Variants in HIPK3 observed in about 807,000 individuals in gnomAD.
The protein encoded by HIPK3 is homeodomain interacting protein kinase 3.
Under a neutral mutation model 124.2 loss-of-function variants are expected in HIPK3, and 47 were observed. The ratio of observed to expected loss-of-function variants is 0.38; its 90% confidence interval spans 0.30 to 0.48. The LOEUF (loss-of-function observed/expected upper bound fraction) is 0.48. Among genes scored for constraint, HIPK3 ranks in the 20% least tolerant of loss-of-function variants. HIPK3 has a pLI of 0.98. For synonymous variants in HIPK3, 482 were observed against 515.2 expected (o/e 0.94, Z 0.87); for missense variants, 1,286 against 1,454.3 (o/e 0.88, Z 1.88).
chr11:33,266,407 C>A (rs1457768650), intron 1 of HIPK3, among the ~76,000 whole-genome samples: 4 of 152,032 alleles, frequency 2.6e-5, no homozygotes, highest in Middle Eastern at 3.4e-3. Flanking sequence ...TGGGTAAAAT[C>A]AAAATAAGTC....
Position 33,353,239 on chromosome 11 carries a change from G to A in HIPK3, c.3319G>A (p.Ala1107Thr). ...PNHTAVHAHL[A>T]GNTHLGGQPT... ...TCACACAGCAGTGCATGCCCACCTGGCTGGAAATACACACCTCGGAGGACA... is the reference window on the plus strand; with the variant it reads ...TCACACAGCAGTGCATGCCCACCTGACTGGAAATACACACCTCGGAGGACA... The change falls in exon 17 of 17, where the codon GCT (alanine) becomes ACT (threonine). Residue 1107 changes from alanine (A) to threonine (T), a missense_variant. This residue lies in a region of HIPK3 where 810 missense variants were observed against 864.9 expected (regional missense o/e 0.94). Coordinates refer to ENST00000303296, the MANE Select transcript of HIPK3 (RefSeq NM_005734.5). 1 of 1,614,010 alleles carries A rather than the reference G, an allele frequency of 6.2e-7. No individual in the cohort carries two copies. The highest frequency in any genetic ancestry group is 8.5e-7 in the Non-Finnish European group (1 of 1,179,994).
intron 2 of HIPK3, among the ~76,000 whole-genome samples, chr11:33,289,805 AC>A (rs2133906810): frequency 6.6e-6 from 1 of 151,972 alleles, no homozygotes; most frequent in South Asian, 2.1e-4. Context: ...TCTACTCCCT[AC>A]CCCCATCTAC....
intron 2 of HIPK3, among the ~76,000 whole-genome samples, chr11:33,295,259 A>C (rs1037154399): frequency 2.0e-5 from 3 of 150,656 alleles, no homozygotes; most frequent in African/African-American, 7.3e-5. Context: ...TGCCACCTGG[A>C]GAGAAGCAGC....
intron 2 of HIPK3, among the ~76,000 whole-genome samples, chr11:33,302,681 A>G (rs1852040626): frequency 6.6e-6 from 1 of 152,162 alleles, no homozygotes; most frequent in Non-Finnish European, 1.5e-5. Context: ...TTGATTCAAT[A>G]AGTGATTTCA....
At chr11:33,349,769 G>C (rs1229332690) in intron 14 of HIPK3, among the ~76,000 whole-genome samples, 1 of 151,684 alleles carries the variant, frequency 6.6e-6, no homozygotes, top group African/African-American at 2.4e-5. Flanking sequence ...TTTTTTTGCT[G>C]AGGGGCGGGT....
chr11:33,277,110 T>C (rs1008892861), intron 1 of HIPK3, among the ~76,000 whole-genome samples: 13 of 152,238 alleles, frequency 8.5e-5, no homozygotes, highest in African/African-American at 3.1e-4. Flanking sequence ...ACCCAGGCTA[T>C]GAAAGTATAG....
At chr11:33,328,904 T>G (rs1176004355) in intron 3 of HIPK3, among the ~76,000 whole-genome samples, 1 of 152,228 alleles carries the variant, frequency 6.6e-6, no homozygotes, top group Non-Finnish European at 1.5e-5. Context: ...TTGGATTGTG[T>G]GTCCATTTAA....
Position 33,348,192 on chromosome 11 carries a change from G to C in HIPK3, c.2333G>C (p.Trp778Ser), listed in dbSNP as rs765567561. Residue 778 changes from tryptophan to serine, a missense_variant, in exon 12 of 17, where the codon TGG becomes TCG. Coordinates refer to ENST00000303296, the MANE Select transcript of HIPK3 (RefSeq NM_005734.5). ...GGTATTTTGGTAAAACTAATGGAATGGGAGCCAGGAAGAGAGGAAATAAAT... is the reference window on the plus strand; with the variant it reads ...GGTATTTTGGTAAAACTAATGGAATCGGAGCCAGGAAGAGAGGAAATAAAT... ...NRGILVKLMEWEPGREEINAF... is the reference protein window; with the variant it reads ...NRGILVKLMESEPGREEINAF... 3 of 1,613,954 alleles carry C rather than the reference G, an allele frequency of 1.9e-6. No individual in the cohort carries two copies. The highest frequency in any genetic ancestry group is 2.5e-6 in the Non-Finnish European group (3 of 1,179,922).
chr11:33,336,445 T>A (rs751466233), intron 3 of HIPK3, among the ~76,000 whole-genome samples: 1 of 152,166 alleles, frequency 6.6e-6, no homozygotes, highest in Non-Finnish European at 1.5e-5. Context: ...TTGAATCCAT[T>A]CCTTCCTCTC....
At chr11:33,334,205 AT>A (rs1853070713) in intron 3 of HIPK3, among the ~76,000 whole-genome samples, 2 of 152,278 alleles carry the variant, frequency 1.3e-5, no homozygotes, top group African/African-American at 4.8e-5. Flanking sequence ...TAATATAGTT[AT>A]AATAATTATA....
chr11:33,319,307 C>T (rs1476991259), intron 2 of HIPK3, among the ~76,000 whole-genome samples: 1 of 152,078 alleles, frequency 6.6e-6, no homozygotes, highest in Admixed American at 6.6e-5. Flanking sequence ...CCATCCTGGC[C>T]AATATTGTGA....
At chr11:33,296,061 A>G (rs1180801422) in intron 2 of HIPK3, among the ~76,000 whole-genome samples, 1 of 152,222 alleles carries the variant, frequency 6.6e-6, no homozygotes, top group South Asian at 2.1e-4. Context: ...TTCCACAAGA[A>G]GAGCTTTTTT....
chr11:33,345,441 A>ATTAAGATC (rs1467960399), intron 8 of HIPK3, among the ~76,000 whole-genome samples: 2 of 152,308 alleles, frequency 1.3e-5, no homozygotes, highest in East Asian at 3.9e-4. Context: ...CTATACAAAA[A>ATTAAGATC]TTAAGATCTT....
chr11:33,269,769 T>C (rs1471216250), intron 1 of HIPK3, among the ~76,000 whole-genome samples: 1 of 152,144 alleles, frequency 6.6e-6, no homozygotes, highest in Admixed American at 6.6e-5. Flanking sequence ...TTTTTTTATT[T>C]ATAGTTTATG....
chr11:33,281,874 T>G (rs995853126), intron 1 of HIPK3, among the ~76,000 whole-genome samples: 1 of 152,176 alleles, frequency 6.6e-6, no homozygotes, highest in Non-Finnish European at 1.5e-5. Context: ...TTTACAGTAT[T>G]AGGTTGCTTT....
chr11:33,277,779 T>TA (rs1417228809), intron 1 of HIPK3, among the ~76,000 whole-genome samples: 1 of 152,236 alleles, frequency 6.6e-6, no homozygotes, highest in African/African-American at 2.4e-5. Flanking sequence ...TACCCTTGTA[T>TA]AACAGTTCCT....
At chr11:33,259,926 C>G (rs985752857) in intron 1 of HIPK3, among the ~76,000 whole-genome samples, 1 of 151,550 alleles carries the variant, frequency 6.6e-6, no homozygotes, top group African/African-American at 2.4e-5. Flanking sequence ...AATGTTTCAA[C>G]TTTATATTTG....
chr11:33,333,026 T>C (rs1424090196), intron 3 of HIPK3, among the ~76,000 whole-genome samples: 1 of 152,068 alleles, frequency 6.6e-6, no homozygotes, highest in Non-Finnish European at 1.5e-5. Flanking sequence ...GAACTCACTG[T>C]TGGGGGGACA....
chr11:33,339,993 A>T (rs1853281883), intron 6 of HIPK3, among the ~76,000 whole-genome samples: 2 of 151,694 alleles, frequency 1.3e-5, no homozygotes, highest in African/African-American at 4.8e-5. Context: ...GAGGTTTTTC[A>T]TGGGTCAGTA....
Sources: allele counts gnomAD v4.1 joint callset (sites outside exome capture counted in the v4.1 genomes callset), GRCh38; gene constraint gnomAD v4.1.1; regional missense constraint gnomAD v4.1.1; transcripts MANE v1.5; gene names NCBI Gene and HGNC (gene_info 2026-07-23, HGNC 2026-07-21).